The following PPP1R9A variants were observed in gnomAD, a reference collection of about 807,000 sequenced individuals.
PPP1R9A encodes neurabin-1.
Under a neutral mutation model 141.9 loss-of-function variants are expected in PPP1R9A, and 59 were observed. That is an observed-to-expected ratio of 0.42 (90% CI 0.34 to 0.52). The LOEUF (loss-of-function observed/expected upper bound fraction) is 0.52. Ranked by LOEUF, PPP1R9A falls within the 20% of genes least tolerant of loss-of-function variation. The probability of loss-of-function intolerance (pLI) is 0.10; values close to 1 mark genes in which losing one functional copy is unlikely to be tolerated. For synonymous variants in PPP1R9A, 500 were observed against 569.7 expected (o/e 0.88, Z 1.74); for missense variants, 1,444 against 1,611.9 (o/e 0.90, Z 1.78).
At chr7:95,261,534 G>T (rs1800431220) in intron 12 of PPP1R9A, among the ~76,000 whole-genome samples, 1 of 151,252 alleles carries the variant, frequency 6.6e-6, no homozygotes, top group Non-Finnish European at 1.5e-5. Flanking sequence ...GTTTTTTTTT[G>T]AACATTGAAA....
At chr7:95,252,614 T>A (rs1799046452) in intron 12 of PPP1R9A, among the ~76,000 whole-genome samples, 1 of 151,866 alleles carries the variant, frequency 6.6e-6, no homozygotes, top group Non-Finnish European at 1.5e-5. Context: ...ACTATAGGCA[T>A]GTGCTACCAC....
At chr7:95,128,633 A>G (rs1306099676) in intron 4 of PPP1R9A, among the ~76,000 whole-genome samples, 6 of 151,942 alleles carry the variant, frequency 3.9e-5, no homozygotes, top group African/African-American at 9.7e-5. Context: ...CTAGAGTGCA[A>G]TGGTGCGATC....
chr7:95,114,323 T>A (rs1241163875), intron 3 of PPP1R9A, among the ~76,000 whole-genome samples: 1 of 152,100 alleles, frequency 6.6e-6, no homozygotes, highest in African/African-American at 2.4e-5. Flanking sequence ...ACCAAAAAAA[T>A]TAAATAGCAT....
intron 2 of PPP1R9A, among the ~76,000 whole-genome samples, chr7:95,008,391 A>G (rs1256340874): frequency 6.6e-6 from 1 of 152,152 alleles, no homozygotes; most frequent in African/African-American, 2.4e-5. Context: ...ATTTATCTCT[A>G]TTTGCCAAGA....
chr7:94,930,883 G>A (rs1278699422), intron 2 of PPP1R9A, among the ~76,000 whole-genome samples: 2 of 152,216 alleles, frequency 1.3e-5, no homozygotes, highest in East Asian at 1.9e-4. Flanking sequence ...TGTGCACAAG[G>A]TCATGGCAGA....
intron 2 of PPP1R9A, among the ~76,000 whole-genome samples, chr7:95,071,619 G>T (rs1031209550): frequency 6.6e-6 from 1 of 150,826 alleles, no homozygotes; most frequent in African/African-American, 2.4e-5. Flanking sequence ...AGCTATCTGG[G>T]GTCATTTTGA....
intron 2 of PPP1R9A, among the ~76,000 whole-genome samples, chr7:94,970,842 A>G (rs758565928): frequency 6.6e-6 from 1 of 152,080 alleles, no homozygotes; most frequent in Non-Finnish European, 1.5e-5. Context: ...GACATAAGGA[A>G]GCATCCTTGA....
chr7:95,050,981 C>T (rs376651171), intron 2 of PPP1R9A, among the ~76,000 whole-genome samples: 1 of 151,942 alleles, frequency 6.6e-6, no homozygotes, highest in South Asian at 2.1e-4. Flanking sequence ...CTTATCAATT[C>T]TTTCTTTCAT....
intron 10 of PPP1R9A, 38 bp from the exon 11 acceptor site, chr7:95,251,724 G>A (rs1417614896): frequency 6.4e-7 from 1 of 1,560,348 alleles, no homozygotes; most frequent in Admixed American, 1.7e-5. Context: ...CATTTATTGA[G>A]TGTATGATAT....
intron 2 of PPP1R9A, among the ~76,000 whole-genome samples, chr7:95,035,031 T>C (rs1168239278): frequency 1.3e-5 from 2 of 152,142 alleles, no homozygotes; most frequent in African/African-American, 4.8e-5. Context: ...CTATAATATT[T>C]TGCCACATAT....
chr7:95,109,016 G>A (rs755292582), intron 2 of PPP1R9A: 7 of 152,110 alleles, frequency 4.6e-5, no homozygotes, highest in Admixed American at 6.5e-5. Context: ...TTTCCGGGAC[G>A]CATGAGACCC....
At chr7:95,054,855 T>C (rs187391821) in intron 2 of PPP1R9A, among the ~76,000 whole-genome samples, 73 of 152,320 alleles carry the variant, frequency 4.8e-4, no homozygotes, top group African/African-American at 1.5e-3. Context: ...GGGGACTGTG[T>C]TGATCTCATT....
At chr7:94,948,854 G>A (rs1796161971) in intron 2 of PPP1R9A, among the ~76,000 whole-genome samples, 1 of 152,068 alleles carries the variant, frequency 6.6e-6, no homozygotes, top group Non-Finnish European at 1.5e-5. Context: ...CCAAGAGAGA[G>A]AAAGGCTAAG....
intron 19 of PPP1R9A, 150 bp from the exon 20 acceptor site, chr7:95,289,940 TG>T (rs1162670042): frequency 1.6e-6 from 2 of 1,282,864 alleles, no homozygotes; most frequent in Non-Finnish European, 2.1e-6. Context: ...GCCCCCAGTG[TG>T]TTGGTTTTTA....
intron 5 of PPP1R9A, among the ~76,000 whole-genome samples, chr7:95,167,708 C>G (rs1433824929): frequency 6.6e-6 from 1 of 151,998 alleles, no homozygotes; most frequent in Admixed American, 6.6e-5. Flanking sequence ...AAGTTAGTCA[C>G]AGGTTACAAA....
rs189918683 is a variant in PPP1R9A, at chr7:95,251,648, G to A, written c.2397-114G>A. ...TTTTTCCTCTAACTGATTGAATGTT[G>A]TCCATTTAAATAACTGTTCAGTTGC... On this transcript the variant is annotated intron_variant, in intron 10 of 19. Transcript: ENST00000433360. The A allele has an allele frequency of 5.6e-4, 524 of 929,470 alleles. 1 individual carries two copies. Among genetic ancestry groups the A allele is most frequent in the South Asian group, 2.3e-3 (106 of 46,092 alleles). 57.6% of individuals were successfully genotyped at this position (929,470 alleles called of 1,614,324 possible).
intron 2 of PPP1R9A, among the ~76,000 whole-genome samples, chr7:95,056,201 AT>A (rs1278667213): frequency 6.6e-6 from 1 of 152,164 alleles, no homozygotes; most frequent in African/African-American, 2.4e-5. Context: ...ATACCTATGG[AT>A]TTGTGTGCTA....
chr7:95,055,373 C>T (rs905276883), intron 2 of PPP1R9A, among the ~76,000 whole-genome samples: 1 of 149,266 alleles, frequency 6.7e-6, no homozygotes, highest in Admixed American at 6.6e-5. Context: ...TAACCCTACC[C>T]ATTCTTTTGT....
intron 2 of PPP1R9A, among the ~76,000 whole-genome samples, chr7:94,979,831 A>T (rs1799874015): frequency 6.6e-6 from 1 of 152,214 alleles, no homozygotes; most frequent in African/African-American, 2.4e-5. Context: ...GGTGGTGTGC[A>T]GGCATAACTC....
Sources: allele counts gnomAD v4.1 joint callset (sites outside exome capture counted in the v4.1 genomes callset), GRCh38; gene constraint gnomAD v4.1.1; transcripts MANE v1.5; gene names NCBI Gene and HGNC (gene_info 2026-07-23, HGNC 2026-07-21).